The following NLGN1 variants were observed in gnomAD, a reference collection of about 807,000 sequenced individuals.
NLGN1 encodes the protein neuroligin 1.
In NLGN1, 12 loss-of-function variants were observed where a neutral mutation model predicts 65.5. The ratio of observed to expected loss-of-function variants is 0.18; its 90% confidence interval spans 0.12 to 0.30. The LOEUF is 0.30. Ranked by LOEUF, NLGN1 falls within the 10% of genes least tolerant of loss-of-function variation. The pLI is 1.00. For missense variants in NLGN1, 750 were observed against 1,007.1 expected, an observed-to-expected ratio of 0.74 and a Z score of 3.46; for synonymous variants, 350 against 359.5, an observed-to-expected ratio of 0.97 and a Z score of 0.30.
intron 3 of NLGN1, among the ~76,000 whole-genome samples, chr3:173,768,754 G>A (rs1240173685): frequency 6.6e-6 from 1 of 152,034 alleles, no homozygotes; most frequent in Non-Finnish European, 1.5e-5. Flanking sequence ...AAGTAAAACA[G>A]CCCCAAAACC....
intron 4 of NLGN1, among the ~76,000 whole-genome samples, chr3:174,168,803 G>A (rs2152730517): frequency 6.6e-6 from 1 of 152,304 alleles, no homozygotes; most frequent in East Asian, 1.9e-4. Flanking sequence ...CATAGTATTA[G>A]CACCAAGAAA....
At chr3:173,810,123 T>G (rs2150464763) in intron 4 of NLGN1, among the ~76,000 whole-genome samples, 1 of 152,326 alleles carries the variant, frequency 6.6e-6, no homozygotes, top group South Asian at 2.1e-4. Flanking sequence ...CTGGTCACTT[T>G]TTTCCAAAAA....
chr3:173,928,741 G>A (rs1454073127), intron 4 of NLGN1, among the ~76,000 whole-genome samples: 2 of 148,450 alleles, frequency 1.3e-5, no homozygotes, highest in Non-Finnish European at 3.0e-5. Flanking sequence ...GCACGATCTC[G>A]GCTCCCTGCA....
intron 3 of NLGN1, among the ~76,000 whole-genome samples, chr3:173,741,874 A>G (rs1168680413): frequency 6.6e-6 from 1 of 152,104 alleles, no homozygotes; most frequent in Non-Finnish European, 1.5e-5. Flanking sequence ...TGAGAAAACG[A>G]AGAAAACTTC....
intron 4 of NLGN1, among the ~76,000 whole-genome samples, chr3:174,245,638 CTG>C (rs1433886751): frequency 6.6e-6 from 1 of 152,062 alleles, no homozygotes; most frequent in Non-Finnish European, 1.5e-5. Flanking sequence ...CTATAACATG[CTG>C]ATAAAATTAC....
At chr3:173,891,245 C>T (rs569733971) in intron 4 of NLGN1, among the ~76,000 whole-genome samples, 52 of 152,230 alleles carry the variant, frequency 3.4e-4, no homozygotes, top group South Asian at 1.2e-3. Context: ...TCATGTGCAA[C>T]GGCCTAAATA....
At chr3:173,658,157 T>C (rs1760365318) in intron 3 of NLGN1, among the ~76,000 whole-genome samples, 3 of 151,984 alleles carry the variant, frequency 2.0e-5, no homozygotes, top group African/African-American at 7.2e-5. Flanking sequence ...ATTTATACTA[T>C]AAGTCCAAGG....
At chr3:173,914,968 C>T (rs1740431224) in intron 4 of NLGN1, 1 of 152,102 alleles carries the variant, frequency 6.6e-6, no homozygotes, top group South Asian at 2.1e-4. Flanking sequence ...GCGAATAATC[C>T]TTGCGGTTTT....
At chr3:174,122,546 C>T (rs1018319930) in intron 4 of NLGN1, among the ~76,000 whole-genome samples, 1 of 152,094 alleles carries the variant, frequency 6.6e-6, no homozygotes, top group Non-Finnish European at 1.5e-5. Flanking sequence ...TCTCTGATGA[C>T]ATTTTCAAAA....
At chr3:174,189,854 A>C (rs1030398227) in intron 4 of NLGN1, among the ~76,000 whole-genome samples, 2 of 152,068 alleles carry the variant, frequency 1.3e-5, no homozygotes, top group African/African-American at 4.8e-5. Context: ...AACTTAACAA[A>C]TGAGGGAATA....
At chr3:173,750,276 G>GTATTTTAC (rs1776144084) in intron 3 of NLGN1, among the ~76,000 whole-genome samples, 1 of 152,030 alleles carries the variant, frequency 6.6e-6, no homozygotes, top group Non-Finnish European at 1.5e-5. Flanking sequence ...CTATGTGACT[G>GTATTTTAC]TATTTTACTT....
chr3:174,137,984 C>T (rs1721526636), intron 4 of NLGN1, among the ~76,000 whole-genome samples: 1 of 152,198 alleles, frequency 6.6e-6, no homozygotes, highest in Admixed American at 6.5e-5. Context: ...AAATTGATCA[C>T]TCCAATTGCT....
chr3:173,443,724 A>G (rs1283542153), intron 2 of NLGN1, among the ~76,000 whole-genome samples: 10 of 152,192 alleles, frequency 6.6e-5, no homozygotes, highest in Admixed American at 2.0e-4. Context: ...TCTAGAGAAC[A>G]ATTTCATTGT....
chr3:173,873,289 A>C (rs545168689), intron 4 of NLGN1, among the ~76,000 whole-genome samples: 1 of 151,938 alleles, frequency 6.6e-6, no homozygotes, highest in South Asian at 2.1e-4. Flanking sequence ...GGGTTTCACC[A>C]TGTTACCCAG....
chr3:173,934,201 A>G (rs911114403), intron 4 of NLGN1, among the ~76,000 whole-genome samples: 1 of 150,008 alleles, frequency 6.7e-6, no homozygotes, highest in Non-Finnish European at 1.5e-5. Flanking sequence ...GGCAGGTAAA[A>G]AAACACGAAT....
intron 2 of NLGN1, among the ~76,000 whole-genome samples, chr3:173,451,568 C>T (rs1044435332): frequency 1.3e-5 from 2 of 152,138 alleles, no homozygotes; most frequent in African/African-American, 4.8e-5. Flanking sequence ...GCTGGGAGAA[C>T]CACTACTCTC....
chr3:173,959,348 C>T (rs1432895546), intron 4 of NLGN1, among the ~76,000 whole-genome samples: 1 of 152,174 alleles, frequency 6.6e-6, no homozygotes, highest in South Asian at 2.1e-4. Flanking sequence ...ACATATTTAT[C>T]AAACCAGAAG....
At chr3:173,539,727 CAT>C (rs1222951897) in intron 2 of NLGN1, among the ~76,000 whole-genome samples, 2 of 124,546 alleles carry the variant, frequency 1.6e-5, no homozygotes, top group African/African-American at 6.9e-5. Context: ...TACATATGCA[CAT>C]ATATACATAT....
At chr3:173,715,152 T>G (rs1769633761) in intron 3 of NLGN1, among the ~76,000 whole-genome samples, 1 of 152,074 alleles carries the variant, frequency 6.6e-6, no homozygotes, top group Non-Finnish European at 1.5e-5. Context: ...AAGACAATGT[T>G]TTTTCACTTC....
Sources: gnomAD v4.1 joint callset for allele counts (sites outside exome capture counted in the v4.1 genomes callset) on GRCh38, gnomAD v4.1.1 for gene constraint, MANE v1.5 for transcripts, NCBI Gene and HGNC (gene_info 2026-07-23, HGNC 2026-07-21) for gene names.